The following TGM5 variants were observed in gnomAD, a reference collection of about 807,000 sequenced individuals.
TGM5 encodes the protein protein-glutamine gamma-glutamyltransferase 5.
In TGM5, 69 loss-of-function variants were observed where a neutral mutation model predicts 77.2. The ratio of observed to expected loss-of-function variants is 0.89; its 90% CI spans 0.74 to 1.09. The LOEUF (loss-of-function observed/expected upper bound fraction) is 1.09. Among genes scored for constraint, TGM5 ranks in the 50% least tolerant of loss-of-function variants. The probability of loss-of-function intolerance (pLI) is 0.00; values close to 1 mark genes in which losing one functional copy is unlikely to be tolerated. For synonymous variants in TGM5, 346 were observed against 351.8 expected, an observed-to-expected ratio of 0.98 and a Z score of 0.18; for missense variants, 842 against 896.5, an observed-to-expected ratio of 0.94 and a Z score of 0.78.
intron 3 of TGM5, among the ~76,000 whole-genome samples, chr15:43,258,927 A>T (rs1362875007): frequency 6.6e-6 from 1 of 152,182 alleles, no homozygotes; most frequent in Non-Finnish European, 1.5e-5. Flanking sequence ...ATCCCATGGC[A>T]GGGTCTCTCC....
At chr15:43,262,879 G>C (rs2042799878) in intron 1 of TGM5, among the ~76,000 whole-genome samples, 1 of 152,154 alleles carries the variant, frequency 6.6e-6, no homozygotes, top group Admixed American at 6.5e-5. Flanking sequence ...GTTCTAGCTA[G>C]GGCTATTAGG....
intron 7 of TGM5, chr15:43,239,607 A>T (rs2042619155): frequency 7.9e-6 from 3 of 379,536 alleles, no homozygotes; most frequent in Non-Finnish European, 5.0e-6. Flanking sequence ...TGAGCCTGGG[A>T]GATCAAGGCT....
intron 6 of TGM5, among the ~76,000 whole-genome samples, chr15:43,246,224 T>C (rs944876897): frequency 6.6e-6 from 1 of 152,096 alleles, no homozygotes; most frequent in Non-Finnish European, 1.5e-5. Context: ...AAGTCACATA[T>C]TGAATTAAAG....
chr15:43,253,816 A>G (rs576757008), intron 4 of TGM5, among the ~76,000 whole-genome samples, 182 bp from the exon 5 acceptor site: 1 of 152,140 alleles, frequency 6.6e-6, no homozygotes, highest in East Asian at 1.9e-4. Flanking sequence ...TAGGGTCACA[A>G]TTCACCTGGT....
chr15:43,252,818 G>A lies in TGM5; in HGVS notation c.803C>T (p.Thr268Ile), dbSNP rs1220646905. The change falls in exon 6 of 13, where the codon ACA becomes ATA. Residue 268 changes from threonine (T) to isoleucine (I), a missense_variant. By Grantham distance (89) the Thr-to-Ile change is moderately conservative. This residue lies in a region of TGM5 where 815 missense variants were observed against 844.6 expected (regional missense o/e 0.96). Transcript: ENST00000220420. The stretch of plus-strand genomic sequence containing the variant: ...CCCGTAGCGCACGGGCTGGCAGCCT[G>A]TGGCGTTCCACTGCTTCAGGATGGC... ...SVAILKQWNA[T>I]GCQPVRYGQC... 1.2e-6 allele frequency: 2 copies of A among 1,614,056 alleles called. No homozygotes were observed. The highest frequency in any genetic ancestry group is 1.7e-6 in the Non-Finnish European group (2 of 1,180,034).
At chr15:43,251,636 C>T (rs2042704147) in intron 6 of TGM5, among the ~76,000 whole-genome samples, 2 of 152,148 alleles carry the variant, frequency 1.3e-5, no homozygotes, top group Admixed American at 1.3e-4. Flanking sequence ...AATGCGCAAG[C>T]CAAGAGGCCG....
Position 43,238,985 on chromosome 15 carries a change from G to C in TGM5, c.1177C>G (p.Pro393Ala), listed in dbSNP as rs768857323. 3 of 1,614,048 alleles carry C rather than the reference G, an allele frequency of 1.9e-6. No homozygotes were observed. Among genetic ancestry groups the C allele is most frequent in the Non-Finnish European group, 2.5e-6 (3 of 1,180,052 alleles). ...GCATTCACCATCGAAAACACAAAGGGCGTGTCATAGTTCAGGTCCACTTCT... is the reference window on the plus strand; with the variant it reads ...GCATTCACCATCGAAAACACAAAGGCCGTGTCATAGTTCAGGTCCACTTCT... The part of the protein sequence containing the change: ...EGEVDLNYDT[P>A]FVFSMVNADC... Residue 393 changes from proline to alanine, a missense_variant, in exon 9 of 13, where the codon CCC (proline) becomes GCC (alanine). Coordinates refer to ENST00000220420, the MANE Select transcript of TGM5 (RefSeq NM_201631.4).
chr15:43,233,923 C>T (rs2042567652), intron 11 of TGM5, among the ~76,000 whole-genome samples: 2 of 152,206 alleles, frequency 1.3e-5, no homozygotes, highest in African/African-American at 2.4e-5. Context: ...CCCCCCTCCC[C>T]TCTCTACCAG....
chr15:43,242,945 G>A (rs1188541904), intron 6 of TGM5, among the ~76,000 whole-genome samples: 2 of 152,230 alleles, frequency 1.3e-5, no homozygotes, highest in African/African-American at 2.4e-5. Flanking sequence ...ACAAGAAAAC[G>A]TGCCAAAGAA....
Position 43,244,765 on chromosome 15 carries a change from G to GTA in TGM5, c.863-3777_863-3776dup, listed in dbSNP as rs566393201. ...TGGTAGTGGACCATGTCCTAATGGT[G>GTA]TATTAAAATGATGAGTATGGGGCCA... On this transcript the variant is annotated intron_variant, in intron 6 of 12. Coordinates refer to ENST00000220420, the MANE Select transcript of TGM5 (RefSeq NM_201631.4). Among the ~76,000 whole-genome samples the GTA allele has an allele frequency of 3.0e-3, 463 of 152,286 alleles. 1 individual carries two copies. Among genetic ancestry groups the GTA allele is most frequent in the African/African-American group, 0.011 (440 of 41,564 alleles).
chr15:43,238,770 G>GT (rs1566828890), intron 9 of TGM5, 47 bp downstream of exon 9: 1 of 1,607,912 alleles, frequency 6.2e-7, no homozygotes, highest in South Asian at 1.1e-5. Context: ...GTAGGGGAAG[G>GT]TTCCTGCAGG....
At position 43,246,725 on chromosome 15, in the gene TGM5, C is replaced by G. The variant is rs187469066; in HGVS notation, c.863-5735G>C. Among the ~76,000 whole-genome samples, 16 of 152,260 alleles carry G rather than the reference C, an allele frequency of 1.1e-4. No individual in the cohort carries two copies. In the East Asian group the frequency reaches 2.9e-3, roughly 28 times the overall value. On this transcript the variant is annotated intron_variant, in intron 6 of 12. Transcript: ENST00000220420. ...TGAACAGAGAGAGTATTCCAGAGAT[C>G]TGCAGAGGGGTCTTTCAAGTCTTTG... is the stretch of plus-strand genomic sequence containing the variant.
Position 43,260,569 on chromosome 15 carries a change from C to CT in TGM5, c.20_21insA (p.Ala8GlyfsTer11). On this transcript the variant is annotated frameshift_variant, in exon 2 of 13. Transcript: ENST00000220420. LOFTEE classifies it high-confidence loss of function. ...TGGAGCTCTGGAGGTCTGTGAGGGCCACTTCTAGCCCTGCAATGGGGCAGC... is the reference window on the plus strand; with the variant it reads ...TGGAGCTCTGGAGGTCTGTGAGGGCCTACTTCTAGCCCTGCAATGGGGCAGC... 1 of 1,614,050 alleles carries CT rather than the reference C, an allele frequency of 6.2e-7. No individual in the cohort carries two copies. The highest frequency in any genetic ancestry group is 8.5e-7 in the Non-Finnish European group (1 of 1,179,934).
At chr15:43,265,446 C>A (rs2042817787) in intron 1 of TGM5, among the ~76,000 whole-genome samples, 2 of 152,230 alleles carry the variant, frequency 1.3e-5, no homozygotes, top group African/African-American at 2.4e-5. Flanking sequence ...GGCTACTCAG[C>A]AGGCATGGCA....
chr15:43,240,733 G>C (rs2042629099), intron 7 of TGM5, 119 bp downstream of exon 7: 2 of 1,310,256 alleles, frequency 1.5e-6, no homozygotes, highest in Admixed American at 1.7e-5. Context: ...AGGGTGAGGG[G>C]GTGTGGAGGA....
chr15:43,246,279 G>A (rs2042669594), intron 6 of TGM5, among the ~76,000 whole-genome samples: 1 of 152,094 alleles, frequency 6.6e-6, no homozygotes, highest in Non-Finnish European at 1.5e-5. Context: ...TTGCAATCAG[G>A]TGCAATGTTT....
chr15:43,259,964 G>A, intron 3 of TGM5, 88 bp downstream of exon 3: 1 of 1,599,172 alleles, frequency 6.3e-7, no homozygotes, highest in Non-Finnish European at 8.5e-7. Flanking sequence ...GGGTGGCCCG[G>A]GAGCGGGGTC....
chr15:43,252,804 CG>C lies in TGM5; in HGVS notation c.816del (p.Val273CysfsTer16), dbSNP rs759253793. 5 of 1,613,934 alleles carry C rather than the reference CG, an allele frequency of 3.1e-6. No homozygotes were observed. Among genetic ancestry groups the C allele is most frequent in the Non-Finnish European group, 4.2e-6 (5 of 1,180,040 alleles). On this transcript the variant is annotated frameshift_variant, in exon 6 of 13. Transcript: ENST00000220420. LOFTEE classifies it high-confidence loss of function. ...LKQWNATGCQ[P>X]VRYGQCWVFA... ...AAGACCCAGCATTGCCCGTAGCGCA[CG>C]GGCTGGCAGCCTGTGGCGTTCCACT...
intron 4 of TGM5, 99 bp from the exon 5 acceptor site, chr15:43,253,733 C>T: frequency 3.8e-5 from 58 of 1,508,018 alleles, no homozygotes; most frequent in Non-Finnish European, 5.1e-5. Context: ...AATATAAACT[C>T]ACTTGGAAGG....
Sources: gnomAD v4.1 joint callset for allele counts (sites outside exome capture counted in the v4.1 genomes callset) on GRCh38, gnomAD v4.1.1 for gene constraint, gnomAD v4.1.1 regional missense constraint, MANE v1.5 for transcripts, NCBI Gene and HGNC (gene_info 2026-07-23, HGNC 2026-07-21) for gene names.